Variants in SLC30A3 observed in about 807,000 individuals in gnomAD.
SLC30A3 encodes the protein solute carrier family 30 member 3, also known as probable proton-coupled zinc antiporter SLC30A3.
SLC30A3 carries 20 observed loss-of-function variants against 35.6 expected under a neutral mutation model. The observed-to-expected ratio is 0.56, with a 90% confidence interval of 0.39 to 0.82. The LOEUF (loss-of-function observed/expected upper bound fraction) is 0.82. SLC30A3 is among the 40% of genes least tolerant of loss of function. The pLI, the probability that SLC30A3 is intolerant of heterozygous loss-of-function variation, is 0.00. For synonymous variants in SLC30A3, 217 were observed against 224.7 expected (o/e 0.97, Z 0.31); for missense variants, 401 against 530.6 (o/e 0.76, Z 2.40).
exon 1 of SLC30A3, chr2:27,275,285 G>A (rs1338789606): frequency 8.7e-7 from 1 of 1,155,326 alleles, no homozygotes; most frequent in East Asian, 5.8e-5. Flanking sequence ...GGGAATCCCT[G>A]CCCCAAGGCC....
At chr2:27,264,158 G>T, upstream of SLC30A3, 1 of 885,264 alleles carries the variant, frequency 1.1e-6, no homozygotes, top group Non-Finnish European at 1.6e-6. The surrounding 1 kb of genome is among the most constrained non-coding windows in gnomAD (Gnocchi z 6.1). Context: ...GGGTCCGTAG[G>T]AGGAGGGGAG....
intron 1 of SLC30A3, among the ~76,000 whole-genome samples, chr2:27,259,216 C>T (rs537014443): frequency 1.3e-5 from 2 of 152,260 alleles, no homozygotes; most frequent in South Asian, 4.1e-4. Flanking sequence ...TGGGGTTGGC[C>T]GGGAGTGGTG....
chr2:27,256,248 C>G (rs1676843016), intron 7 of SLC30A3, 138 bp downstream of exon 7: 1 of 975,212 alleles, frequency 1.0e-6, no homozygotes, highest in South Asian at 1.6e-5. Flanking sequence ...GTGTATGTGT[C>G]TATGTGAGAG....
chr2:27,263,185 T>G, upstream of SLC30A3: 2 of 1,018,700 alleles, frequency 2.0e-6, no homozygotes, highest in Non-Finnish European at 2.5e-6. Flanking sequence ...CAAAGCCCCA[T>G]TTCCCCGCGC....
intron 7 of SLC30A3, 108 bp downstream of exon 7, chr2:27,256,278 G>C (rs544512621): frequency 2.3e-4 from 301 of 1,292,908 alleles, no homozygotes; most frequent in Non-Finnish European, 3.0e-4. Context: ...CAGAGAAACA[G>C]AGACAGATCA....
In SLC30A3 at chr2:27,274,504, C is replaced by G. The variant is rs1206741465; in HGVS notation, c.-159+673G>C. On this transcript the variant is annotated intron_variant, in intron 1 of 5. Coordinates refer to the SLC30A3 transcript ENST00000424577. ...CCATTGAGTGCTCTTGCAAAGAAAA[C>G]CAGCACTACAAAGTAGTAAATTATA... is the stretch of plus-strand genomic sequence containing the variant. 4.6e-5 allele frequency among the ~76,000 whole-genome samples: 7 copies of G among 152,178 alleles called. No individual in the cohort carries two copies. The East Asian group carries it at 1.4e-3, about 29-fold the overall frequency.
chr2:27,257,062 G>A lies in SLC30A3; in HGVS notation c.777+92C>T, dbSNP rs531509478. The A allele has an allele frequency of 2.3e-6, 3 of 1,322,296 alleles. No individual in the cohort carries two copies. The highest frequency in any genetic ancestry group is 1.5e-5 in the African/African-American group (1 of 68,758). The allele number at this position is 1,322,296 out of a possible 1,614,324, so 81.9% of individuals were successfully genotyped here. A position where few individuals can be genotyped will look rare whatever the true frequency, so the allele number is the denominator to read the frequency against. On this transcript the variant is annotated intron_variant, in intron 5 of 7. Coordinates refer to ENST00000233535, the MANE Select transcript of SLC30A3 (RefSeq NM_003459.5). The surrounding 1 kb of genome is among the most constrained non-coding windows in gnomAD (Gnocchi z 4.7). ...TGGGAGGTGGGAGGGAGGAGCTGGA[G>A]GGAGGAGGAAGGAAGCTTTGGGACC...
In SLC30A3 at chr2:27,271,766, G is replaced by A. The variant is rs1434608588; in HGVS notation, c.-159+3411C>T. 6.6e-6 allele frequency among the ~76,000 whole-genome samples: 1 copy of A among 152,242 alleles called. No individual in the cohort carries two copies. Among genetic ancestry groups the A allele is most frequent in the Non-Finnish European group, 1.5e-5 (1 of 68,048 alleles). On this transcript the variant is annotated intron_variant, in intron 1 of 5. Transcript: ENST00000424577. The surrounding 1 kb of genome is among the most constrained non-coding windows in gnomAD (Gnocchi z 4.3). Reference sequence around the variant, plus strand: ...GCCACTGGCCAAAGGAGGCCAGGCCGACTGGGCCGTGCTACTCCCACCTCT... The same window carrying A: ...GCCACTGGCCAAAGGAGGCCAGGCCAACTGGGCCGTGCTACTCCCACCTCT...
At chr2:27,267,672 C>G (rs932743015), upstream of SLC30A3, among the ~76,000 whole-genome samples, 1 of 152,100 alleles carries the variant, frequency 6.6e-6, no homozygotes, top group East Asian at 1.9e-4. Flanking sequence ...CGGTGGCTCA[C>G]GCCTGTAATC....
chr2:27,255,216 A>T lies in SLC30A3; in HGVS notation c.*96T>A. The T allele has an allele frequency of 6.2e-7, 1 of 1,605,966 alleles. No homozygotes were observed. The highest frequency in any genetic ancestry group is 8.5e-7 in the Non-Finnish European group (1 of 1,178,000). ...AGGAGGGAGAGAGGAAGGGGTATGG[A>T]CCTGGCTCGGTCCCGTCTCTGTGAT... On this transcript the variant is annotated 3_prime_UTR_variant, in exon 8 of 8. Coordinates refer to ENST00000233535, the MANE Select transcript of SLC30A3 (RefSeq NM_003459.5). The surrounding 1 kb of genome is among the most constrained non-coding windows in gnomAD (Gnocchi z 5.2).
At chr2:27,270,364 A>G (rs1280460598) in intron 1 of SLC30A3, among the ~76,000 whole-genome samples, 1 of 152,164 alleles carries the variant, frequency 6.6e-6, no homozygotes, top group Non-Finnish European at 1.5e-5. Context: ...AGAGGGCAGC[A>G]TGACGGCACT....
Position 27,258,958 on chromosome 2 carries a change from C to A in SLC30A3, c.96-24G>T, listed in dbSNP as rs772959104. On this transcript the variant is annotated intron_variant, in intron 1 of 7. Transcript: ENST00000233535. This position sits in a 1 kb window ranked among gnomAD's most constrained non-coding sequence, Gnocchi z 4.0. ...GACTGAGGCAAGCAACATGGTTCAA[C>A]CTGGGCCTGGCCCACAGGCTGGCCT... 5.1e-6 allele frequency: 8 copies of A among 1,555,538 alleles called. No individual in the cohort carries two copies. In the South Asian group the frequency reaches 6.2e-5, roughly 12 times the overall value.
chr2:27,264,092 G>A, upstream of SLC30A3: 1 of 1,283,982 alleles, frequency 7.8e-7, no homozygotes, highest in Non-Finnish European at 1.0e-6. This position sits in a 1 kb window ranked among gnomAD's most constrained non-coding sequence, Gnocchi z 6.1. Flanking sequence ...ACTGTAGAAT[G>A]GGAGGGGGTG....
Position 27,258,457 on chromosome 2 carries a change from A to G in SLC30A3, c.278-150T>C, listed in dbSNP as rs1460937535. 1.4e-6 allele frequency: 1 copy of G among 703,130 alleles called. No individual in the cohort carries two copies. Among genetic ancestry groups the G allele is most frequent in the Non-Finnish European group, 2.3e-6 (1 of 437,040 alleles). 43.6% of individuals were successfully genotyped at this position (703,130 alleles called of 1,614,324 possible). A position where few individuals can be genotyped will look rare whatever the true frequency, so the allele number is the denominator to read the frequency against. On this transcript the variant is annotated intron_variant, in intron 2 of 7. Coordinates refer to ENST00000233535, the MANE Select transcript of SLC30A3 (RefSeq NM_003459.5). The surrounding 1 kb of genome is among the most constrained non-coding windows in gnomAD (Gnocchi z 4.0). ...ACTACAGGTATAATTAACTACTGTTATGTTATTTTTTTCATTCATCTGTAT... is the reference window on the plus strand; with the variant it reads ...ACTACAGGTATAATTAACTACTGTTGTGTTATTTTTTTCATTCATCTGTAT...
intron 1 of SLC30A3, among the ~76,000 whole-genome samples, chr2:27,259,918 G>T (rs899977928): frequency 6.6e-6 from 1 of 152,106 alleles, no homozygotes; most frequent in African/African-American, 2.4e-5. Context: ...GAGGATGGAG[G>T]GCCAGACTAA....
At position 27,254,537 on chromosome 2, in the gene SLC30A3, C is replaced by G. The variant is rs1186093800; in HGVS notation, c.*775G>C. On this transcript the variant is annotated 3_prime_UTR_variant, in exon 8 of 8. Coordinates refer to ENST00000233535, the MANE Select transcript of SLC30A3 (RefSeq NM_003459.5). ...TGTTCTCAAGTGACCTATTTGACTT[C>G]CCCCTCCTGAGGAGTCAGCACACAG... The G allele has an allele frequency of 6.5e-6, 1 of 153,326 alleles. No homozygotes were observed. The allele number at this position is 153,326 out of a possible 1,614,324, so 9.5% of individuals were successfully genotyped here. A position where few individuals can be genotyped will look rare whatever the true frequency, so the allele number is the denominator to read the frequency against.
In SLC30A3 at chr2:27,263,011, C is replaced by G. The variant is rs1010962331; in HGVS notation, c.-105G>C. 29 of 1,405,010 alleles carry G rather than the reference C, an allele frequency of 2.1e-5. 1 individual carries two copies. The South Asian group carries it at 4.3e-4, about 21-fold the overall frequency. The allele number at this position is 1,405,010 out of a possible 1,614,324, so 87.0% of individuals were successfully genotyped here. On this transcript the variant is annotated 5_prime_UTR_variant, in exon 1 of 8. Transcript: ENST00000233535. ...GCCGACCCCCGGGATCCCCGCAGGGCGGCGGGGCCACCAGAGTGGAGCGAA... is the reference window on the plus strand; with the variant it reads ...GCCGACCCCCGGGATCCCCGCAGGGGGGCGGGGCCACCAGAGTGGAGCGAA...
At chr2:27,263,792 A>G (rs1677353736), upstream of SLC30A3, among the ~76,000 whole-genome samples, 1 of 143,732 alleles carries the variant, frequency 7.0e-6, no homozygotes, top group Admixed American at 7.4e-5. Context: ...CGCACTGGCA[A>G]CTGGAGAGCG....
At position 27,255,225 on chromosome 2, in the gene SLC30A3, G is replaced by A. The variant is rs114058874; in HGVS notation, c.*87C>T. ...AGAGGAAGGGGTATGGACCTGGCTC[G>A]GTCCCGTCTCTGTGATCAGGGCAGC... On this transcript the variant is annotated 3_prime_UTR_variant, in exon 8 of 8. Transcript: ENST00000233535. This position sits in a 1 kb window ranked among gnomAD's most constrained non-coding sequence, Gnocchi z 5.2. 1.6e-3 allele frequency: 2,584 copies of A among 1,606,856 alleles called. 37 individuals carry two copies. The African/African-American group carries it at 0.028, about 18-fold the overall frequency.
Sources: allele counts gnomAD v4.1 joint callset (sites outside exome capture counted in the v4.1 genomes callset), GRCh38; gene constraint gnomAD v4.1.1; non-coding constraint Gnocchi (gnomAD v3.1); transcripts MANE v1.5; gene names NCBI Gene and HGNC (gene_info 2026-07-23, HGNC 2026-07-21).